ASIC1: variants seen among roughly 807,000 people sequenced by gnomAD.
ASIC1 encodes acid-sensing ion channel 1.
In ASIC1, 21 loss-of-function variants were observed where a neutral mutation model predicts 63.4. The ratio of observed to expected loss-of-function variants is 0.33; its 90% CI spans 0.23 to 0.48. ASIC1 has a LOEUF of 0.48. Among genes scored for constraint, ASIC1 ranks in the 20% least tolerant of loss-of-function variants. The pLI is 0.99. For missense variants in ASIC1, 478 were observed against 695.5 expected (o/e 0.69, Z 3.52); for synonymous variants, 258 against 278.2 (o/e 0.93, Z 0.72).
chr12:50,062,144 C>G (rs1231151328), intron 3 of ASIC1, among the ~76,000 whole-genome samples: 1 of 152,190 alleles, frequency 6.6e-6, no homozygotes, highest in African/African-American at 2.4e-5. Context: ...TAGGGATGTT[C>G]CCACACAGAT....
intron 3 of ASIC1, among the ~76,000 whole-genome samples, chr12:50,068,485 A>G (rs115248348): frequency 0.013 from 1,907 of 151,746 alleles, 37 homozygotes; most frequent in African/African-American, 0.044. Context: ...TAAACTTTAT[A>G]TTCTATTCTT....
chr12:50,062,963 G>T (rs529567679), intron 3 of ASIC1, among the ~76,000 whole-genome samples: 1 of 152,150 alleles, frequency 6.6e-6, no homozygotes, highest in Admixed American at 6.5e-5. Context: ...GAAATCCTTC[G>T]GGACTGAAGA....
At chr12:50,060,061 G>A (rs995115383) in intron 3 of ASIC1, 107 bp downstream of exon 3, 1 of 1,337,936 alleles carries the variant, frequency 7.5e-7, no homozygotes, top group Non-Finnish European at 1.0e-6. Context: ...GGGAGAGGAA[G>A]TTGTATGTCC....
At chr12:50,080,233 C>A in intron 8 of ASIC1, 178 bp downstream of exon 8, 1 of 911,974 alleles carries the variant, frequency 1.1e-6, no homozygotes, top group Non-Finnish European at 1.6e-6. Flanking sequence ...CCAGAATAAG[C>A]AGGGAAGCAC....
intron 3 of ASIC1, among the ~76,000 whole-genome samples, chr12:50,063,591 G>T (rs868534382): frequency 6.6e-6 from 1 of 152,142 alleles, no homozygotes; most frequent in African/African-American, 2.4e-5. Flanking sequence ...TCCTTCTCAG[G>T]ACCCTGGATT....
chr12:50,058,747 C>G lies in ASIC1; in HGVS notation c.-16-4C>G, dbSNP rs1298100394. On this transcript the variant is annotated splice_polypyrimidine_tract_variant and splice_region_variant and intron_variant, in intron 1 of 11. Transcript: ENST00000447966. ...TGATAGACTGTCCCTCCCTCCTCCC[C>G]CAGGATCCCCTCAACAAGGATGGAA... 6.4e-7 allele frequency: 1 copy of G among 1,558,606 alleles called. No homozygotes were observed. The highest frequency in any genetic ancestry group is 1.2e-5 in the South Asian group (1 of 81,700).
intron 3 of ASIC1, among the ~76,000 whole-genome samples, chr12:50,069,789 AAGCTCCATGAGGGC>A (rs1950581311): frequency 1.3e-5 from 2 of 152,074 alleles, no homozygotes; most frequent in South Asian, 4.1e-4. Flanking sequence ...GTTCGACAGT[AAGCTCCATGAGGGC>A]AGGTCCATGA....
chr12:50,058,914 T>C lies in ASIC1; in HGVS notation c.148T>C (p.Phe50Leu), dbSNP rs1398788107. 9 of 1,614,162 alleles carry C rather than the reference T, an allele frequency of 5.6e-6. No homozygotes were observed. The highest frequency in any genetic ancestry group is 7.6e-6 in the Non-Finnish European group (9 of 1,180,018). Residue 50 changes from phenylalanine (F) to leucine (L), a missense_variant, in exon 2 of 12, where the codon TTC becomes CTC. Physicochemically the swap from Phe to Leu is conservative, Grantham distance 22. Transcript: ENST00000447966. The part of the protein sequence containing the change: ...SLKRALWALC[F>L]LGSLAVLLCV... ...GAAGCGGGCACTGTGGGCCCTGTGC[T>C]TCCTGGGCTCCCTGGCTGTGCTGCT... is the stretch of plus-strand genomic sequence containing the variant.
rs768700646 is a variant in ASIC1 at position 50,058,900 on chromosome 12, T to C, written c.134T>C (p.Leu45Pro). The change falls in exon 2 of 12, where the codon CTG becomes CCG. Residue 45 changes from leucine (L) to proline (P), a missense_variant. Transcript: ENST00000447966. ...SYERLSLKRA[L>P]WALCFLGSLA... ...GAGCGGCTGTCTCTGAAGCGGGCAC[T>C]GTGGGCCCTGTGCTTCCTGGGCTCC... 6.2e-7 allele frequency: 1 copy of C among 1,614,148 alleles called. No homozygotes were observed. The highest frequency in any genetic ancestry group is 8.5e-7 in the Non-Finnish European group (1 of 1,180,028).
intron 3 of ASIC1, among the ~76,000 whole-genome samples, chr12:50,062,471 T>C (rs573866762): frequency 6.6e-6 from 1 of 152,154 alleles, no homozygotes. Flanking sequence ...GGAAAGAAGG[T>C]AGTCAGGGAA....
In ASIC1 at chr12:50,081,790, G is replaced by T. The variant is rs1334693894; in HGVS notation, c.*141G>T. On this transcript the variant is annotated 3_prime_UTR_variant, in exon 12 of 12. Coordinates refer to ENST00000447966, the MANE Select transcript of ASIC1 (RefSeq NM_001095.4). ...TCCTCTTGTCTGTGGTAAGGAAGGA[G>T]TCTTGACCATAGAGTCCTCTCTCTG... 1.4e-6 allele frequency: 1 copy of T among 710,034 alleles called. No homozygotes were observed. Among genetic ancestry groups the T allele is most frequent in the East Asian group, 2.7e-5 (1 of 36,930 alleles). 44.0% of individuals were successfully genotyped at this position (710,034 alleles called of 1,614,324 possible). A position where few individuals can be genotyped will look rare whatever the true frequency, so the allele number is the denominator to read the frequency against.
At chr12:50,079,287 G>T (rs948606595) in intron 7 of ASIC1, among the ~76,000 whole-genome samples, 2 of 152,110 alleles carry the variant, frequency 1.3e-5, no homozygotes, top group Non-Finnish European at 2.9e-5. Context: ...GGTGGCATGT[G>T]CCTCTAGTCC....
chr12:50,081,787 G>T lies in ASIC1; in HGVS notation c.*138G>T. On this transcript the variant is annotated 3_prime_UTR_variant, in exon 12 of 12. Coordinates refer to ENST00000447966, the MANE Select transcript of ASIC1 (RefSeq NM_001095.4). ...CTTTCCTCTTGTCTGTGGTAAGGAA[G>T]GAGTCTTGACCATAGAGTCCTCTCT... 1 of 740,252 alleles carries T rather than the reference G, an allele frequency of 1.4e-6. No individual in the cohort carries two copies. 45.9% of individuals were successfully genotyped at this position (740,252 alleles called of 1,614,324 possible).
chr12:50,079,980 C>T lies in ASIC1; in HGVS notation c.1130C>T (p.Ser377Phe). The T allele has an allele frequency of 6.2e-7, 1 of 1,614,078 alleles. No homozygotes were observed. Among genetic ancestry groups the T allele is most frequent in the Non-Finnish European group, 8.5e-7 (1 of 1,180,008 alleles). The change falls in exon 8 of 12, where the codon TCC becomes TTC. Residue 377 changes from serine to phenylalanine, a missense_variant. Physicochemically the swap from Ser to Phe is radical, Grantham distance 155. Transcript: ENST00000447966. ...CNLTRYGKELSMVKIPSKASA... is the reference protein window; with the variant it reads ...CNLTRYGKELFMVKIPSKASA... The stretch of plus-strand genomic sequence containing the variant: ...CTGACCCGCTATGGCAAAGAGCTGT[C>T]CATGGTCAAGATCCCCAGCAAAGCC...
In ASIC1 at chr12:50,074,388, C is replaced by T. The variant is rs1217110562; in HGVS notation, c.559-2825C>T. 1.0e-5 allele frequency: 14 copies of T among 1,353,334 alleles called. No homozygotes were observed. Among genetic ancestry groups the T allele is most frequent in the African/African-American group, 2.9e-5 (2 of 68,498 alleles). The allele number at this position is 1,353,334 out of a possible 1,614,324, so 83.8% of individuals were successfully genotyped here. A position where few individuals can be genotyped will look rare whatever the true frequency, so the allele number is the denominator to read the frequency against. ...CCTACCTCATCTGGCTGACACAGGC[C>T]AGAGCTCACCCAGGAGTCCGGGGCC... On this transcript the variant is annotated intron_variant, in intron 3 of 11. Coordinates refer to ENST00000447966, the MANE Select transcript of ASIC1 (RefSeq NM_001095.4). This position sits in a 1 kb window ranked among gnomAD's most constrained non-coding sequence, Gnocchi z 4.2.
In ASIC1 at chr12:50,073,914, C is replaced by A. The variant is rs547550445; in HGVS notation, c.559-3299C>A. 2.9e-5 allele frequency: 44 copies of A among 1,535,496 alleles called. No homozygotes were observed. The South Asian group carries it at 3.2e-4, about 11-fold the overall frequency. ...CCTTCCTGTGCCAGGTAGGGGACCG[C>A]GTTGCTTATTACCTCAGCTACCCAC... is the stretch of plus-strand genomic sequence containing the variant. On this transcript the variant is annotated intron_variant, in intron 3 of 11. Coordinates refer to ENST00000447966, the MANE Select transcript of ASIC1 (RefSeq NM_001095.4).
At chr12:50,071,562 G>A (rs554551257) in intron 3 of ASIC1, among the ~76,000 whole-genome samples, 113 of 152,182 alleles carry the variant, frequency 7.4e-4, no homozygotes, top group Non-Finnish European at 1.2e-3. Flanking sequence ...GATTACAGGC[G>A]TGAGCCACCA....
intron 3 of ASIC1, among the ~76,000 whole-genome samples, chr12:50,073,004 G>A (rs1407913836): frequency 6.6e-6 from 1 of 152,136 alleles, no homozygotes; most frequent in African/African-American, 2.4e-5. Context: ...AGGAATAACT[G>A]GACGAGGGAG....
Position 50,059,129 on chromosome 12 carries a change from G to A in ASIC1, c.362+1G>A. The A allele has an allele frequency of 6.2e-7, 1 of 1,612,170 alleles. No individual in the cohort carries two copies. The highest frequency in any genetic ancestry group is 8.5e-7 in the Non-Finnish European group (1 of 1,179,046). ...AGCTGCTGGCCCTGCTCAACAACAG[G>A]TGGGTGGCTCCCACCCTCCCTCAGC... On this transcript the variant is annotated splice_donor_variant, in intron 2 of 11. Coordinates refer to ENST00000447966, the MANE Select transcript of ASIC1 (RefSeq NM_001095.4). LOFTEE classifies it high-confidence loss of function. This position sits in a 1 kb window ranked among gnomAD's most constrained non-coding sequence, Gnocchi z 4.6.
Sources: gnomAD v4.1 joint callset for allele counts (sites outside exome capture counted in the v4.1 genomes callset) on GRCh38, gnomAD v4.1.1 for gene constraint, Gnocchi (gnomAD v3.1) non-coding constraint, MANE v1.5 for transcripts, NCBI Gene and HGNC (gene_info 2026-07-23, HGNC 2026-07-21) for gene names.